Variants in SAMD12 observed in about 807,000 individuals in gnomAD.
SAMD12 encodes the protein sterile alpha motif domain containing 12, also known as sterile alpha motif domain-containing protein 12.
A neutral mutation model predicts 15.0 loss-of-function variants in SAMD12; 9 were observed. The observed-to-expected ratio is 0.60, with a 90% CI of 0.36 to 1.05. The LOEUF is 1.05. Among genes scored for constraint, SAMD12 ranks in the 50% least tolerant of loss-of-function variants. The pLI is 0.01. For missense variants in SAMD12, 230 were observed against 234.2 expected (o/e 0.98, Z 0.12); for synonymous variants, 86 against 90.1 (o/e 0.96, Z 0.25).
chr8:118,601,589 C>T (rs923826334), intron 1 of SAMD12, among the ~76,000 whole-genome samples: 5 of 152,164 alleles, frequency 3.3e-5, no homozygotes, highest in African/African-American at 9.7e-5. Context: ...GAAGAGAAAT[C>T]GTAGAAATAC....
intron 2 of SAMD12, among the ~76,000 whole-genome samples, chr8:118,454,274 C>T (rs1459130546): frequency 6.6e-6 from 1 of 152,176 alleles, no homozygotes. Context: ...GGCATTGCTC[C>T]ACAGTTTTCT....
chr8:118,299,389 G>C (rs1467267728), intron 4 of SAMD12, among the ~76,000 whole-genome samples: 1 of 152,152 alleles, frequency 6.6e-6, no homozygotes, highest in African/African-American at 2.4e-5. Context: ...GGATTATCTG[G>C]CAGGCTCTCT....
At chr8:118,467,126 T>A (rs1001713827) in intron 2 of SAMD12, among the ~76,000 whole-genome samples, 1 of 152,158 alleles carries the variant, frequency 6.6e-6, no homozygotes, top group African/African-American at 2.4e-5. Context: ...GAGGCAGTGG[T>A]CCAGCCATGA....
At chr8:118,268,623 T>G (rs1813263974) in intron 4 of SAMD12, among the ~76,000 whole-genome samples, 1 of 152,132 alleles carries the variant, frequency 6.6e-6, no homozygotes, top group East Asian at 1.9e-4. Flanking sequence ...AAGACCAGCC[T>G]GGCCAACATG....
intron 4 of SAMD12, among the ~76,000 whole-genome samples, chr8:118,257,195 GCT>G (rs907111969): frequency 3.3e-5 from 5 of 152,154 alleles, no homozygotes; most frequent in South Asian, 4.2e-4. Context: ...TGTCATTCTT[GCT>G]CTGTTTGAAG....
chr8:118,169,392 T>C, the SAMD12 span, among the ~76,000 whole-genome samples: 1 of 152,230 alleles, frequency 6.6e-6, no homozygotes, highest in Non-Finnish European at 1.5e-5. Context: ...ATTATTGTTT[T>C]ACCAAGAATG....
At chr8:118,145,319 T>A in the SAMD12 span, among the ~76,000 whole-genome samples, 3 of 152,342 alleles carry the variant, frequency 2.0e-5, no homozygotes, top group African/African-American at 7.2e-5. Context: ...ATGTCATTCT[T>A]GAAGTGCATT....
At chr8:118,173,989 T>A in the SAMD12 span, among the ~76,000 whole-genome samples, 1 of 152,212 alleles carries the variant, frequency 6.6e-6, no homozygotes, top group Non-Finnish European at 1.5e-5. Context: ...TTAGTAATTT[T>A]AAATAATATT....
At chr8:118,621,207 TG>T (rs1283300037) in intron 1 of SAMD12, 1 of 152,874 alleles carries the variant, frequency 6.5e-6, no homozygotes, top group Admixed American at 6.5e-5. Context: ...TTCTTTTCCC[TG>T]GCTGATTACA....
intron 2 of SAMD12, among the ~76,000 whole-genome samples, chr8:118,494,260 C>T (rs2515050): frequency 0.51 from 77,635 of 151,976 alleles, 21,007 homozygotes; most frequent in African/African-American, 0.7. Flanking sequence ...AATGTAGCCT[C>T]CTCAACTCCT....
intron 2 of SAMD12, among the ~76,000 whole-genome samples, chr8:118,489,310 T>C (rs559021613): frequency 1.3e-5 from 2 of 152,308 alleles, no homozygotes; most frequent in Admixed American, 6.5e-5. Flanking sequence ...TATTCTGCCA[T>C]GTCTTGATGA....
intron 4 of SAMD12, among the ~76,000 whole-genome samples, chr8:118,224,702 G>A (rs1302020274): frequency 6.6e-6 from 1 of 152,130 alleles, no homozygotes; most frequent in Admixed American, 6.5e-5. Context: ...GCTTCCAGAG[G>A]CTGGCTTTTG....
the SAMD12 span, among the ~76,000 whole-genome samples, chr8:118,172,974 C>T: frequency 1.3e-5 from 2 of 152,148 alleles, no homozygotes; most frequent in Non-Finnish European, 2.9e-5. Context: ...TATTTGTCCT[C>T]GTGCTGGTGG....
chr8:118,378,373 T>C lies in SAMD12; in HGVS notation c.*1044A>G, dbSNP rs373768405. 1.2e-5 allele frequency: 11 copies of C among 948,572 alleles called. No individual in the cohort carries two copies. In the African/African-American group the frequency reaches 1.8e-4, roughly 15 times the overall value. 58.8% of individuals were successfully genotyped at this position (948,572 alleles called of 1,614,324 possible). On this transcript the variant is annotated 3_prime_UTR_variant, in exon 4 of 4. Coordinates refer to ENST00000314727, the MANE Select transcript of SAMD12 (RefSeq NM_207506.3). ...AGAAGCTTAAAAGCCTATCAGTATT[T>C]CACATTCAAATTTAAATCACTTAGT...
chr8:118,587,577 A>T (rs1376937494), intron 1 of SAMD12, among the ~76,000 whole-genome samples: 1 of 152,240 alleles, frequency 6.6e-6, no homozygotes, highest in Non-Finnish European at 1.5e-5. Context: ...CAGTTCTGGA[A>T]CTGACAAAAG....
chr8:118,420,588 T>G (rs1821951298), intron 3 of SAMD12, among the ~76,000 whole-genome samples: 1 of 152,202 alleles, frequency 6.6e-6, no homozygotes, highest in Admixed American at 6.5e-5. Context: ...ATGCCATTCT[T>G]AGAAATAAAT....
At chr8:118,184,525 T>C (rs1340766329), downstream of SAMD12, among the ~76,000 whole-genome samples, 1 of 152,220 alleles carries the variant, frequency 6.6e-6, no homozygotes, top group Non-Finnish European at 1.5e-5. Flanking sequence ...AGACAGAGTC[T>C]CACTCTATCA....
the SAMD12 span, among the ~76,000 whole-genome samples, chr8:118,171,688 G>A: frequency 4.6e-5 from 7 of 151,526 alleles, no homozygotes; most frequent in African/African-American, 1.7e-4. Context: ...GAGGAGAGGA[G>A]GCTTGGAGAG....
At chr8:118,221,065 G>A (rs1239236666) in intron 4 of SAMD12, among the ~76,000 whole-genome samples, 3 of 152,178 alleles carry the variant, frequency 2.0e-5, no homozygotes, top group Non-Finnish European at 4.4e-5. Context: ...AAATTAGGAT[G>A]AAAGGAGTGC....
Sources: gnomAD v4.1 joint callset for allele counts (sites outside exome capture counted in the v4.1 genomes callset) on GRCh38, gnomAD v4.1.1 for gene constraint, MANE v1.5 for transcripts, NCBI Gene and HGNC (gene_info 2026-07-23, HGNC 2026-07-21) for gene names.